CSMD1: variants seen among roughly 807,000 people sequenced by gnomAD.
The protein encoded by CSMD1 is CUB and sushi domain-containing protein 1.
CSMD1 carries 213 observed loss-of-function variants against 417.5 expected under a neutral mutation model. The ratio of observed to expected loss-of-function variants is 0.51; its 90% CI spans 0.46 to 0.57. CSMD1 has a LOEUF of 0.57. CSMD1 is among the 20% of genes least tolerant of loss of function. The pLI, the probability that CSMD1 is intolerant of heterozygous loss-of-function variation, is 0.00. For synonymous variants in CSMD1, 2,862 were observed against 1,736.8 expected (o/e 1.65, Z -16.11); for missense variants, 6,923 against 4,529.7 (o/e 1.53, Z -15.17).
intron 2 of CSMD1, among the ~76,000 whole-genome samples, chr8:4,459,552 A>G (rs1193999117): frequency 2.0e-5 from 3 of 152,232 alleles, no homozygotes; most frequent in Non-Finnish European, 4.4e-5. Context: ...TGGTGCTTTC[A>G]CTAGAGCTGC....
chr8:4,141,399 T>A (rs1289390925), intron 3 of CSMD1, among the ~76,000 whole-genome samples: 2 of 151,170 alleles, frequency 1.3e-5, no homozygotes, highest in Non-Finnish European at 2.9e-5. Flanking sequence ...AAAGAAAGAT[T>A]TGGCTAAACA....
chr8:3,794,671 A>C (rs78641247), intron 5 of CSMD1, among the ~76,000 whole-genome samples: 3 of 151,980 alleles, frequency 2.0e-5, no homozygotes, highest in African/African-American at 7.3e-5. Context: ...TTTGGTATTT[A>C]TCCTACTGGA....
chr8:3,114,592 T>C (rs1181925277), intron 42 of CSMD1, among the ~76,000 whole-genome samples: 1 of 151,978 alleles, frequency 6.6e-6, no homozygotes, highest in African/African-American at 2.4e-5. Flanking sequence ...TAGAAGCATT[T>C]TCAGAGAAGA....
intron 3 of CSMD1, among the ~76,000 whole-genome samples, chr8:4,341,604 A>C (rs954705599): frequency 4.6e-5 from 7 of 152,168 alleles, no homozygotes; most frequent in African/African-American, 1.7e-4. Context: ...CTGTTTGTCC[A>C]GTGAAACTGT....
At chr8:4,273,157 T>C (rs1456501209) in intron 3 of CSMD1, among the ~76,000 whole-genome samples, 1 of 152,178 alleles carries the variant, frequency 6.6e-6, no homozygotes, top group Non-Finnish European at 1.5e-5. Flanking sequence ...CTCTTACCTT[T>C]ATCTTTTAAA....
At chr8:3,465,942 T>C (rs17066206) in intron 12 of CSMD1, among the ~76,000 whole-genome samples, 4,123 of 152,236 alleles carry the variant, frequency 0.027, 263 homozygotes, top group East Asian at 0.18. Context: ...GGAAGTTAAC[T>C]GGCTCAGCTA....
intron 1 of CSMD1, among the ~76,000 whole-genome samples, chr8:4,724,967 A>T (rs1483264973): frequency 6.6e-6 from 1 of 152,130 alleles, no homozygotes; most frequent in African/African-American, 2.4e-5. Context: ...CGAGTTTAAA[A>T]CATAAGCCCA....
At chr8:3,964,729 C>T (rs1483849366) in intron 5 of CSMD1, among the ~76,000 whole-genome samples, 3 of 152,202 alleles carry the variant, frequency 2.0e-5, no homozygotes, top group African/African-American at 7.2e-5. Flanking sequence ...TTGCAATGTA[C>T]TTGCGTGACA....
intron 23 of CSMD1, among the ~76,000 whole-genome samples, chr8:3,338,902 G>T (rs1585021560): frequency 1.3e-5 from 2 of 149,672 alleles, no homozygotes; most frequent in East Asian, 4.0e-4. Context: ...AGTTACATAT[G>T]TATACATGTG....
chr8:3,082,198 G>A (rs1213499942), intron 49 of CSMD1, among the ~76,000 whole-genome samples: 4 of 152,258 alleles, frequency 2.6e-5, no homozygotes, highest in East Asian at 3.9e-4. Flanking sequence ...CTAAGAATTC[G>A]TGTCTTCCAG....
chr8:3,783,662 C>T (rs987487639), intron 5 of CSMD1, among the ~76,000 whole-genome samples: 14 of 152,352 alleles, frequency 9.2e-5, no homozygotes, highest in African/African-American at 3.4e-4. Flanking sequence ...ATGGTTGAAG[C>T]ACCCTGCTGC....
chr8:3,703,883 C>T (rs1801013649), intron 7 of CSMD1, among the ~76,000 whole-genome samples: 1 of 152,006 alleles, frequency 6.6e-6, no homozygotes, highest in Non-Finnish European at 1.5e-5. Context: ...CCAGCCTGGC[C>T]AATGGTGAAA....
At chr8:4,329,844 C>G (rs992203370) in intron 3 of CSMD1, among the ~76,000 whole-genome samples, 1 of 98,948 alleles carries the variant, frequency 1.0e-5, no homozygotes, top group African/African-American at 4.1e-5. Flanking sequence ...TGGCACCACC[C>G]TGCTTACACA....
intron 25 of CSMD1, among the ~76,000 whole-genome samples, chr8:3,306,181 T>C (rs1430593622): frequency 2.0e-5 from 3 of 151,830 alleles, no homozygotes; most frequent in African/African-American, 4.9e-5. Context: ...AGTAAGTGTA[T>C]GATATCTATG....
chr8:4,586,736 C>T (rs772683382), intron 2 of CSMD1, among the ~76,000 whole-genome samples: 1 of 152,128 alleles, frequency 6.6e-6, no homozygotes, highest in African/African-American at 2.4e-5. Context: ...TGAGAGAGAT[C>T]CTCCATGAAT....
chr8:4,593,257 T>C (rs1432303295), intron 2 of CSMD1, among the ~76,000 whole-genome samples: 2 of 152,204 alleles, frequency 1.3e-5, no homozygotes, highest in East Asian at 3.8e-4. Flanking sequence ...CGCAGGAACA[T>C]GAGCGTTAAT....
At chr8:3,689,696 A>C (rs1039088536) in intron 7 of CSMD1, among the ~76,000 whole-genome samples, 3 of 149,078 alleles carry the variant, frequency 2.0e-5, no homozygotes, top group African/African-American at 4.9e-5. Flanking sequence ...CGTCAATCCT[A>C]TGAGTAAAGT....
intron 6 of CSMD1, among the ~76,000 whole-genome samples, chr8:3,726,562 G>A (rs1353616657): frequency 6.6e-6 from 1 of 152,142 alleles, no homozygotes; most frequent in Non-Finnish European, 1.5e-5. Flanking sequence ...GAATCTTCAT[G>A]TTTTCAGGAG....
rs868400937 is a variant in CSMD1, at chr8:3,536,604, G to T, written c.1344+38341C>A. Among the ~76,000 whole-genome samples the T allele has an allele frequency of 1.1e-4, 16 of 152,202 alleles. 1 individual carries two copies. The highest frequency in any genetic ancestry group is 1.9e-4 in the Non-Finnish European group (13 of 68,040). ...AGTCACTGTCTCCATCATGAATAGT[G>T]TGAACAGAAACGGTAATTCAGAAGT... On this transcript the variant is annotated intron_variant, in intron 10 of 69. Coordinates refer to ENST00000635120, the MANE Select transcript of CSMD1 (RefSeq NM_033225.6).
Sources: allele counts gnomAD v4.1 joint callset (sites outside exome capture counted in the v4.1 genomes callset), GRCh38; gene constraint gnomAD v4.1.1; transcripts MANE v1.5; gene names NCBI Gene and HGNC (gene_info 2026-07-23, HGNC 2026-07-21).